The following MLIP variants were observed in gnomAD, a reference collection of about 807,000 sequenced individuals.
MLIP encodes muscular LMNA interacting protein.
Under a neutral mutation model 84.8 loss-of-function variants are expected in MLIP, and 79 were observed. The observed-to-expected ratio is 0.93, with a 90% CI of 0.78 to 1.12. The LOEUF (loss-of-function observed/expected upper bound fraction) is 1.12. Among genes scored for constraint, MLIP ranks in the 50% most tolerant of loss-of-function variants. MLIP has a pLI of 0.00. For synonymous variants in MLIP, 504 were observed against 463.0 expected, an observed-to-expected ratio of 1.09 and a Z score of -1.14; for missense variants, 1,257 against 1,160.6, an observed-to-expected ratio of 1.08 and a Z score of -1.21.
chr6:54,077,683 T>C (rs960719475), intron 1 of MLIP, among the ~76,000 whole-genome samples: 1 of 152,236 alleles, frequency 6.6e-6, no homozygotes, highest in African/African-American at 2.4e-5. Flanking sequence ...AGATGCCATG[T>C]GTCAGTGTGT....
At chr6:54,181,470 G>T (rs900356077) in intron 9 of MLIP, among the ~76,000 whole-genome samples, 1 of 152,104 alleles carries the variant, frequency 6.6e-6, no homozygotes, top group Non-Finnish European at 1.5e-5. Context: ...GCCTATGCCT[G>T]GATTCAGGGA....
chr6:54,261,228 AT>A (rs1783368738), intron 13 of MLIP, among the ~76,000 whole-genome samples: 1 of 152,060 alleles, frequency 6.6e-6, no homozygotes, highest in Non-Finnish European at 1.5e-5. Context: ...CAACCACTCC[AT>A]AAACTACTTC....
chr6:54,117,689 G>A (rs972328094), intron 1 of MLIP, among the ~76,000 whole-genome samples: 1 of 151,318 alleles, frequency 6.6e-6, no homozygotes, highest in African/African-American at 2.4e-5. Context: ...GCTAACACCT[G>A]TAATCCCAGC....
intron 11 of MLIP, among the ~76,000 whole-genome samples, chr6:54,229,323 G>A (rs977627085): frequency 6.6e-6 from 1 of 152,162 alleles, no homozygotes; most frequent in African/African-American, 2.4e-5. Context: ...ACATTGTAAA[G>A]AGGATATTAT....
intron 12 of MLIP, among the ~76,000 whole-genome samples, chr6:54,238,573 C>T (rs192275884): frequency 6.6e-6 from 1 of 152,256 alleles, no homozygotes; most frequent in Admixed American, 6.5e-5. Flanking sequence ...AGCAAACAAA[C>T]GAGAAACACA....
Position 54,023,632 on chromosome 6 carries a change from C to T in MLIP, c.63+4541C>T, listed in dbSNP as rs1304312725. On this transcript the variant is annotated intron_variant, in intron 1 of 12. Coordinates refer to the MLIP transcript ENST00000274897. Reference sequence around the variant, plus strand: ...TCGCCCAGCCTGGAGTGCAGTGGTGCGATCTCGGCTCACTGCAACCTCCGC... The same window carrying T: ...TCGCCCAGCCTGGAGTGCAGTGGTGTGATCTCGGCTCACTGCAACCTCCGC... Among the ~76,000 whole-genome samples the T allele has an allele frequency of 4.6e-5, 7 of 152,192 alleles. No individual in the cohort carries two copies. In the East Asian group the frequency reaches 5.8e-4, roughly 13 times the overall value.
intron 12 of MLIP, among the ~76,000 whole-genome samples, chr6:54,244,399 A>G (rs936344738): frequency 6.6e-6 from 1 of 152,214 alleles, no homozygotes; most frequent in Admixed American, 6.5e-5. Context: ...GGAAGTCAAA[A>G]CATGTACACT....
At chr6:54,067,419 TCCA>T (rs1756315570) in intron 1 of MLIP, among the ~76,000 whole-genome samples, 1 of 100,954 alleles carries the variant, frequency 9.9e-6, no homozygotes, top group Non-Finnish European at 2.9e-5. Context: ...AAGGGGAAAA[TCCA>T]AAAGTGGCAC....
intron 1 of MLIP, among the ~76,000 whole-genome samples, chr6:54,117,641 G>T (rs1770058690): frequency 6.6e-6 from 1 of 151,466 alleles, no homozygotes; most frequent in Non-Finnish European, 1.5e-5. Context: ...CAGATGACAG[G>T]ATCTTATATA....
rs189763107 is a variant in MLIP at position 54,231,184 on chromosome 6, T to C, written c.2922+267T>C. On this transcript the variant is annotated intron_variant, in intron 12 of 13. Coordinates refer to ENST00000502396, the MANE Select transcript of MLIP (RefSeq NM_001281747.2). ...TTCACTGTTTCATGTTCTAACTCCA[T>C]GGTGGAAATTCCAAGACATTTTTCA... is the stretch of plus-strand genomic sequence containing the variant. 1.2e-3 allele frequency among the ~76,000 whole-genome samples: 183 copies of C among 152,294 alleles called. 1 individual carries two copies. The highest frequency in any genetic ancestry group is 2.1e-3 in the Non-Finnish European group (143 of 68,008).
At chr6:54,019,023 T>C (rs1399569710) in exon 1 of MLIP, 1 of 1,607,682 alleles carries the variant, frequency 6.2e-7, no homozygotes, top group South Asian at 1.1e-5. Context: ...CTCATTCTCT[T>C]TCAATATGGA....
intron 9 of MLIP, among the ~76,000 whole-genome samples, chr6:54,173,847 T>C (rs946286353): frequency 6.6e-6 from 1 of 151,846 alleles, no homozygotes; most frequent in African/African-American, 2.4e-5. Context: ...ATTTTTTTTG[T>C]ACTCGATAAC....
rs1432501826 is a variant in MLIP, at chr6:54,160,744, C to A, written c.2444C>A (p.Ser815Tyr). 1 of 1,580,466 alleles carries A rather than the reference C, an allele frequency of 6.3e-7. No individual in the cohort carries two copies. Among genetic ancestry groups the A allele is most frequent in the South Asian group, 1.1e-5 (1 of 90,214 alleles). Residue 815 changes from serine to tyrosine, a missense_variant, in exon 8 of 14, where the codon TCT becomes TAT. Transcript: ENST00000502396. ...KVLQDSLSMH[S>Y]SDSPSRSPKT... ...CTTCCTTTCTTTTTTTTTCAGCATT[C>A]TTCTGATTCTCCTTCAAGGTCCCCA...
chr6:54,045,806 C>T (rs758824504), intron 1 of MLIP: 3 of 153,236 alleles, frequency 2.0e-5, no homozygotes, highest in African/African-American at 7.2e-5. Context: ...TGAGGCCTCC[C>T]CAGCTGTTTC....
chr6:54,061,089 G>A (rs559479537), intron 1 of MLIP, among the ~76,000 whole-genome samples: 1 of 152,052 alleles, frequency 6.6e-6, no homozygotes, highest in East Asian at 1.9e-4. Flanking sequence ...ACTCCAAAGG[G>A]GTTGAGATAT....
At chr6:54,061,949 C>T (rs1011654577) in intron 1 of MLIP, among the ~76,000 whole-genome samples, 1 of 152,150 alleles carries the variant, frequency 6.6e-6, no homozygotes, top group African/African-American at 2.4e-5. Flanking sequence ...ATTTTTTAAA[C>T]CATTGCCCTT....
intron 11 of MLIP, among the ~76,000 whole-genome samples, chr6:54,214,803 A>G (rs1487432884): frequency 1.3e-5 from 2 of 152,222 alleles, no homozygotes; most frequent in African/African-American, 4.8e-5. Flanking sequence ...GGACTATGAG[A>G]AAGACAAAAC....
intron 13 of MLIP, among the ~76,000 whole-genome samples, chr6:54,260,207 T>C (rs921410023): frequency 2.0e-5 from 3 of 151,956 alleles, no homozygotes; most frequent in African/African-American, 7.2e-5. Context: ...ATGTTAGATA[T>C]ATCAGATTTG....
At chr6:54,200,470 GAGA>G (rs1778595141) in intron 10 of MLIP, among the ~76,000 whole-genome samples, 1 of 151,970 alleles carries the variant, frequency 6.6e-6, no homozygotes, top group Non-Finnish European at 1.5e-5. Flanking sequence ...GCAGGAATAG[GAGA>G]AGAAGAAAGA....
Sources: allele counts gnomAD v4.1 joint callset (sites outside exome capture counted in the v4.1 genomes callset), GRCh38; gene constraint gnomAD v4.1.1; transcripts MANE v1.5; gene names NCBI Gene and HGNC (gene_info 2026-07-23, HGNC 2026-07-21).